Variants in PPARD observed in about 807,000 individuals in gnomAD.
PPARD encodes the protein peroxisome proliferator-activated receptor delta.
Under a neutral mutation model 39.5 loss-of-function variants are expected in PPARD, and 6 were observed. The ratio of observed to expected loss-of-function variants is 0.15; its 90% CI spans 0.08 to 0.30. The LOEUF is 0.30. Ranked by LOEUF, PPARD falls within the 10% of genes least tolerant of loss-of-function variation. The pLI is 1.00. For synonymous variants in PPARD, 210 were observed against 231.3 expected, an observed-to-expected ratio of 0.91 and a Z score of 0.83; for missense variants, 397 against 596.8, an observed-to-expected ratio of 0.67 and a Z score of 3.49.
At chr6:35,418,845 G>A (rs1765952431) in intron 3 of PPARD, among the ~76,000 whole-genome samples, 1 of 152,218 alleles carries the variant, frequency 6.6e-6, no homozygotes, top group Admixed American at 6.5e-5. Context: ...CTCTGCCACA[G>A]TTGGGTGCTT....
chr6:35,355,398 A>C (rs1200382906), intron 2 of PPARD, among the ~76,000 whole-genome samples: 1 of 151,700 alleles, frequency 6.6e-6, no homozygotes, highest in Admixed American at 6.6e-5. Context: ...CAAAAAATAC[A>C]AAAATTATCC....
At chr6:35,353,534 T>G (rs1761385967) in intron 2 of PPARD, among the ~76,000 whole-genome samples, 1 of 152,176 alleles carries the variant, frequency 6.6e-6, no homozygotes, top group South Asian at 2.1e-4. Context: ...ACATAAAAAG[T>G]TAAGCATAAA....
intron 2 of PPARD, among the ~76,000 whole-genome samples, chr6:35,396,713 C>T (rs918540625): frequency 4.0e-5 from 6 of 151,712 alleles, no homozygotes; most frequent in African/African-American, 1.5e-4. Context: ...GCCTGTAGTC[C>T]CAGCTACTCA....
intron 2 of PPARD, among the ~76,000 whole-genome samples, chr6:35,403,954 C>T (rs1764862440): frequency 6.6e-6 from 1 of 152,164 alleles, no homozygotes; most frequent in Admixed American, 6.5e-5. Context: ...GGGACGAGAG[C>T]CTGTGGCTGT....
At chr6:35,404,669 C>G (rs779557561) in intron 2 of PPARD, among the ~76,000 whole-genome samples, 2 of 152,310 alleles carry the variant, frequency 1.3e-5, no homozygotes, top group East Asian at 3.9e-4. Context: ...GAGCCCCTCC[C>G]TACTCCTAGC....
intron 2 of PPARD, among the ~76,000 whole-genome samples, chr6:35,388,311 A>G (rs1763800811): frequency 6.6e-6 from 1 of 152,202 alleles, no homozygotes; most frequent in Non-Finnish European, 1.5e-5. Flanking sequence ...CTCAGAGAGA[A>G]CATGAGAGGC....
At chr6:35,382,298 G>A (rs1763196830) in intron 2 of PPARD, among the ~76,000 whole-genome samples, 1 of 152,138 alleles carries the variant, frequency 6.6e-6, no homozygotes, top group Admixed American at 6.5e-5. Context: ...CTCCAGGAAT[G>A]GGGTCGTTGT....
chr6:35,345,940 G>A (rs9658062), intron 1 of PPARD, among the ~76,000 whole-genome samples: 3,023 of 148,248 alleles, frequency 0.02, 57 homozygotes, highest in African/African-American at 0.051. Flanking sequence ...GCAGTGGTGC[G>A]ATCTTGGCTC....
chr6:35,402,588 C>T (rs1017295737), intron 2 of PPARD, among the ~76,000 whole-genome samples: 3 of 152,252 alleles, frequency 2.0e-5, no homozygotes, highest in East Asian at 1.9e-4. Flanking sequence ...TTGTGGAATG[C>T]GTGGGTGGCC....
At chr6:35,344,946 C>T (rs1039835200) in intron 1 of PPARD, among the ~76,000 whole-genome samples, 7 of 152,276 alleles carry the variant, frequency 4.6e-5, no homozygotes, top group Non-Finnish European at 1.0e-4. Context: ...TAGCATCTCT[C>T]CAGGGTTTTA....
chr6:35,424,757 T>G lies in PPARD; in HGVS notation c.1056T>G (p.Ile352Met). The change falls in exon 7 of 8, where the codon ATT (isoleucine) becomes ATG (methionine). Residue 352 changes from isoleucine (I) to methionine (M), a missense_variant. Physicochemically the swap from Ile to Met is conservative, Grantham distance 10. Coordinates refer to ENST00000360694, the MANE Select transcript of PPARD (RefSeq NM_006238.5). This position sits in a 1 kb window ranked among gnomAD's most constrained non-coding sequence, Gnocchi z 7.1. ...ATGACAGTGACCTGGCCCTATTCAT[T>G]GCGGCCATCATTCTGTGTGGAGGTG... Reference protein sequence around the residue: ...ELDDSDLALFIAAIILCGDRP... With the variant: ...ELDDSDLALFMAAIILCGDRP... 6.2e-7 allele frequency: 1 copy of G among 1,614,162 alleles called. No individual in the cohort carries two copies. The highest frequency in any genetic ancestry group is 8.5e-7 in the Non-Finnish European group (1 of 1,180,010).
intron 3 of PPARD, among the ~76,000 whole-genome samples, chr6:35,413,563 C>G (rs1280777518): frequency 6.6e-6 from 1 of 152,162 alleles, no homozygotes; most frequent in Non-Finnish European, 1.5e-5. Context: ...GTCTAACCAA[C>G]TCAAAGAAAG....
chr6:35,358,889 C>T (rs1761766827), intron 2 of PPARD, among the ~76,000 whole-genome samples: 1 of 152,154 alleles, frequency 6.6e-6, no homozygotes, highest in African/African-American at 2.4e-5. Context: ...CTCCTGCTCT[C>T]GTGGTAACTG....
rs376841246 is a variant in PPARD, at chr6:35,355,716, G to A, written c.-102+8566G>A. ...AAGCTCCGCCTCCCAGGTTCGCGCC[G>A]TTCTCCTGCCTCAGCCTCCCGAGTA... On this transcript the variant is annotated intron_variant, in intron 2 of 7. Transcript: ENST00000360694. Among the ~76,000 whole-genome samples the A allele has an allele frequency of 7.2e-4, 100 of 139,014 alleles. No individual in the cohort carries two copies. In the East Asian group the frequency reaches 0.017, roughly 24 times the overall value. The allele number at this position is 139,014 out of a possible 152,430, so 91.2% of individuals were successfully genotyped here. A position where few individuals can be genotyped will look rare whatever the true frequency, so the allele number is the denominator to read the frequency against.
At chr6:35,404,951 CTTTGTGTGTG>C (rs1250681770) in intron 2 of PPARD, among the ~76,000 whole-genome samples, 4 of 102,970 alleles carry the variant, frequency 3.9e-5, no homozygotes, top group African/African-American at 2.1e-4. Flanking sequence ...GCACTGCAGG[CTTTGTGTGTG>C]TGTGTGTGTG....
intron 2 of PPARD, among the ~76,000 whole-genome samples, chr6:35,377,869 A>ATTTTTTTTTTTTTTTTTTTTTTTT (rs1478712456): frequency 9.7e-6 from 1 of 103,086 alleles, no homozygotes; most frequent in African/African-American, 9.4e-5. Context: ...TTGTTTACGT[A>ATTTTTTTTTTTTTTTTTTTTTTTT]TCTTTTTTTT....
At chr6:35,389,720 T>G (rs999191125) in intron 2 of PPARD, among the ~76,000 whole-genome samples, 1 of 152,200 alleles carries the variant, frequency 6.6e-6, no homozygotes, top group Non-Finnish European at 1.5e-5. Flanking sequence ...TATACCCCAA[T>G]TATAAATCAA....
At chr6:35,382,035 T>G (rs9470008) in intron 2 of PPARD, among the ~76,000 whole-genome samples, 7,676 of 152,282 alleles carry the variant, frequency 0.05, 638 homozygotes, top group African/African-American at 0.17. Flanking sequence ...GCCTGTGGTT[T>G]GTTTCCTCTT....
At chr6:35,407,066 T>C (rs1765101536) in intron 2 of PPARD, among the ~76,000 whole-genome samples, 1 of 152,114 alleles carries the variant, frequency 6.6e-6, no homozygotes, top group Non-Finnish European at 1.5e-5. Flanking sequence ...GTCAGCTCCC[T>C]CCCCTCCCTC....
Sources: gnomAD v4.1 joint callset for allele counts (sites outside exome capture counted in the v4.1 genomes callset) on GRCh38, gnomAD v4.1.1 for gene constraint, Gnocchi (gnomAD v3.1) non-coding constraint, MANE v1.5 for transcripts, NCBI Gene and HGNC (gene_info 2026-07-23, HGNC 2026-07-21) for gene names.